GRIN2D: variants seen among roughly 807,000 people sequenced by gnomAD.
The protein encoded by GRIN2D is glutamate ionotropic receptor NMDA type subunit 2D.
In GRIN2D, 37 loss-of-function variants were observed where a neutral mutation model predicts 103.2. The observed-to-expected ratio is 0.36, with a 90% confidence interval of 0.28 to 0.47. The LOEUF is 0.47. Among genes scored for constraint, GRIN2D ranks in the 20% least tolerant of loss-of-function variants. GRIN2D has a pLI of 1.00. For synonymous variants in GRIN2D, 845 were observed against 885.6 expected (o/e 0.95, Z 0.81); for missense variants, 1,557 against 1,910.6 (o/e 0.81, Z 3.45).
Position 48,444,222 on chromosome 19 carries a change from C to G in GRIN2D, c.*285C>G. ...GGCTTTTTAACGTCACCAGATGGGG[C>G]GGGAGGTGGGGGGTTCACGCCACTC... On this transcript the variant is annotated 3_prime_UTR_variant, in exon 14 of 14. Transcript: ENST00000263269. This position sits in a 1 kb window ranked among gnomAD's most constrained non-coding sequence, Gnocchi z 5.5. 7 of 260,188 alleles carry G rather than the reference C, an allele frequency of 2.7e-5. No homozygotes were observed. The highest frequency in any genetic ancestry group is 6.5e-5 in the East Asian group (1 of 15,394). The allele number at this position is 260,188 out of a possible 1,614,324, so 16.1% of individuals were successfully genotyped here. A position where few individuals can be genotyped will look rare whatever the true frequency, so the allele number is the denominator to read the frequency against.
At position 48,442,250 on chromosome 19, in the gene GRIN2D, C is replaced by T. The variant is rs1239668404; in HGVS notation, c.2541C>T (p.Gly847=). 4.3e-6 allele frequency: 7 copies of T among 1,614,004 alleles called. No individual in the cohort carries two copies. In the East Asian group the frequency reaches 8.9e-5, roughly 21 times the overall value. The change falls in exon 13 of 14, where the codon GGC becomes GGT. Residue 847 remains glycine, a synonymous_variant. Coordinates refer to ENST00000263269, the MANE Select transcript of GRIN2D (RefSeq NM_000836.4). The surrounding 1 kb of genome is among the most constrained non-coding windows in gnomAD (Gnocchi z 7.2). ...SSKLDIDNMA[G]VFYMLLVAMG... ...AGCTGGACATCGACAACATGGCGGG[C>T]GTCTTCTACATGCTCCTGGTGGCCA...
At chr19:48,439,281 C>T (rs1971265379) in intron 11 of GRIN2D, among the ~76,000 whole-genome samples, 1 of 151,636 alleles carries the variant, frequency 6.6e-6, no homozygotes, top group Non-Finnish European at 1.5e-5. Flanking sequence ...ATAAAATACA[C>T]CCCATACATC....
In GRIN2D at chr19:48,414,650, G is replaced by C; in HGVS notation, c.1412+66G>C. ...CCTCCCGTGAAGCCCAGTAGTCTGG[G>C]CCCCCAGCCCCCTCCTCCCTTGGGA... is the stretch of plus-strand genomic sequence containing the variant. On this transcript the variant is annotated intron_variant, in intron 6 of 13. Transcript: ENST00000263269. This position sits in a 1 kb window ranked among gnomAD's most constrained non-coding sequence, Gnocchi z 4.6. 1 of 1,423,814 alleles carries C rather than the reference G, an allele frequency of 7.0e-7. No individual in the cohort carries two copies. Among genetic ancestry groups the C allele is most frequent in the East Asian group, 2.5e-5 (1 of 40,276 alleles). The allele number at this position is 1,423,814 out of a possible 1,614,324, so 88.2% of individuals were successfully genotyped here.
Position 48,414,196 on chromosome 19 carries a change from G to T in GRIN2D, c.1200+91G>T. ...GGGCTTGAGGTCGTGGACTAAGAGG[G>T]AGGAGGGGACAAGGAGCCTGGACTC... On this transcript the variant is annotated intron_variant, in intron 5 of 13. Coordinates refer to ENST00000263269, the MANE Select transcript of GRIN2D (RefSeq NM_000836.4). This position sits in a 1 kb window ranked among gnomAD's most constrained non-coding sequence, Gnocchi z 4.6. The T allele has an allele frequency of 1.1e-6, 1 of 926,230 alleles. No individual in the cohort carries two copies. The highest frequency in any genetic ancestry group is 1.7e-6 in the Non-Finnish European group (1 of 578,202). The allele number at this position is 926,230 out of a possible 1,614,324, so 57.4% of individuals were successfully genotyped here. A position where few individuals can be genotyped will look rare whatever the true frequency, so the allele number is the denominator to read the frequency against.
rs531457763 is a variant in GRIN2D, at chr19:48,432,802, T to G, written c.2253-8967T>G. Reference sequence around the variant, plus strand: ...TTTTTTTTTTTTATTTCATTTTGCTTTTTTTTGAGACAGAGTCTTGCTCTG... The same window carrying G: ...TTTTTTTTTTTTATTTCATTTTGCTGTTTTTTGAGACAGAGTCTTGCTCTG... On this transcript the variant is annotated intron_variant, in intron 11 of 13. Transcript: ENST00000263269. Among the ~76,000 whole-genome samples, 174 of 150,348 alleles carry G rather than the reference T, an allele frequency of 1.2e-3. 1 individual carries two copies. The highest frequency in any genetic ancestry group is 0.01 in the Middle Eastern group (3 of 288).
intron 11 of GRIN2D, among the ~76,000 whole-genome samples, chr19:48,431,433 GA>G (rs1228382912): frequency 2.0e-5 from 3 of 152,172 alleles, no homozygotes. Flanking sequence ...TCAGAATTTG[GA>G]AGAGTCACTC....
intron 3 of GRIN2D, among the ~76,000 whole-genome samples, chr19:48,400,922 C>T (rs1300304718): frequency 2.0e-5 from 3 of 152,010 alleles, no homozygotes; most frequent in East Asian, 3.9e-4. Flanking sequence ...GAAAATTAGC[C>T]GGGCATGGTG....
Position 48,442,789 on chromosome 19 carries a change from G to C in GRIN2D, c.2863G>C (p.Ala955Pro). 1 of 1,069,756 alleles carries C rather than the reference G, an allele frequency of 9.3e-7. No homozygotes were observed. The highest frequency in any genetic ancestry group is 7.0e-5 in the East Asian group (1 of 14,356). 66.3% of individuals were successfully genotyped at this position (1,069,756 alleles called of 1,614,324 possible). A position where few individuals can be genotyped will look rare whatever the true frequency, so the allele number is the denominator to read the frequency against. The change falls in exon 14 of 14, where the codon GCG becomes CCG. Residue 955 changes from alanine to proline, a missense_variant. By Grantham distance (27) the Ala-to-Pro change is conservative. Transcript: ENST00000263269. This position sits in a 1 kb window ranked among gnomAD's most constrained non-coding sequence, Gnocchi z 7.2. ...RTKGAGPPGG[A>P]GLADGFHRYY... The stretch of plus-strand genomic sequence containing the variant: ...CAAGGGCGCGGGGCCGCCGGGGGGC[G>C]CGGGCCTGGCCGACGGCTTCCACCG...
chr19:48,422,023 G>A, intron 11 of GRIN2D, 78 bp downstream of exon 11: 1 of 1,446,156 alleles, frequency 6.9e-7, no homozygotes, highest in Non-Finnish European at 9.6e-7. Flanking sequence ...AAGGGGTCCA[G>A]GTTCATTCAT....
intron 10 of GRIN2D, among the ~76,000 whole-genome samples, chr19:48,420,879 GA>G (rs1303896238): frequency 6.6e-6 from 1 of 152,070 alleles, no homozygotes; most frequent in East Asian, 1.9e-4. Context: ...TTCAACAGAC[GA>G]AAAAGAATTC....
chr19:48,398,740 C>T lies in GRIN2D; in HGVS notation c.348C>T (p.Val116=). The change falls in exon 3 of 14, where the codon GTC becomes GTT. Residue 116 remains valine, a synonymous_variant. Transcript: ENST00000263269. Reference sequence around the variant, plus strand: ...CGGGGTTGCGCGTGCACGGCGTGGTCTTCGAAGACGACTCGCGCGCGCCCG... The same window carrying T: ...CGGGGTTGCGCGTGCACGGCGTGGTTTTCGAAGACGACTCGCGCGCGCCCG... ...LLSGLRVHGV[V]FEDDSRAPAV... 9 of 1,466,778 alleles carry T rather than the reference C, an allele frequency of 6.1e-6. No individual in the cohort carries two copies. The highest frequency in any genetic ancestry group is 8.1e-6 in the Non-Finnish European group (9 of 1,115,396). The allele number at this position is 1,466,778 out of a possible 1,614,324, so 90.9% of individuals were successfully genotyped here.
chr19:48,402,682 G>C (rs1427155242), intron 3 of GRIN2D, among the ~76,000 whole-genome samples: 1 of 144,078 alleles, frequency 6.9e-6, no homozygotes, highest in African/African-American at 2.6e-5. Flanking sequence ...GCGCCACTGC[G>C]GTCCGCAGTC....
intron 2 of GRIN2D, among the ~76,000 whole-genome samples, chr19:48,397,124 GC>G (rs1970652680): frequency 1.3e-5 from 2 of 148,712 alleles, no homozygotes; most frequent in Non-Finnish European, 3.0e-5. Context: ...CCACAGCTGT[GC>G]CCCCCAACCC....
rs1381556676 is a variant in GRIN2D at position 48,393,749 on chromosome 19, G to A, written c.-425G>A. On this transcript the variant is annotated 5_prime_UTR_variant, in exon 1 of 14. Coordinates refer to ENST00000263269, the MANE Select transcript of GRIN2D (RefSeq NM_000836.4). This position sits in a 1 kb window ranked among gnomAD's most constrained non-coding sequence, Gnocchi z 5.6. ...CCAGCTCCTCCAAGCCGCGGCCGCC[G>A]CCGCCACCCTCGCCCGCAGCCTCCC... Among the ~76,000 whole-genome samples the A allele has an allele frequency of 6.6e-6, 1 of 151,998 alleles. No individual in the cohort carries two copies. Among genetic ancestry groups the A allele is most frequent in the Non-Finnish European group, 1.5e-5 (1 of 67,972 alleles).
intron 4 of GRIN2D, among the ~76,000 whole-genome samples, chr19:48,406,391 A>C (rs1970792741): frequency 6.6e-6 from 1 of 152,202 alleles, no homozygotes; most frequent in African/African-American, 2.4e-5. Flanking sequence ...CCACGGTAGG[A>C]AGCTCTGGGA....
At position 48,442,939 on chromosome 19, in the gene GRIN2D, C is replaced by A. The variant is rs917571354; in HGVS notation, c.3013C>A (p.Pro1005Thr). 7 of 1,145,128 alleles carry A rather than the reference C, an allele frequency of 6.1e-6. No individual in the cohort carries two copies. Among genetic ancestry groups the A allele is most frequent in the Non-Finnish European group, 7.6e-6 (7 of 923,338 alleles). The allele number at this position is 1,145,128 out of a possible 1,614,324, so 70.9% of individuals were successfully genotyped here. A position where few individuals can be genotyped will look rare whatever the true frequency, so the allele number is the denominator to read the frequency against. Reference sequence around the variant, plus strand: ...CGCTCAGCCCCCGCAGAAGCCGCCGCCCTCCTATTTCGCCATCGTACGCGA... The same window carrying A: ...CGCTCAGCCCCCGCAGAAGCCGCCGACCTCCTATTTCGCCATCGTACGCGA... ...PAAQPPQKPP[P>T]SYFAIVRDKE... Residue 1005 changes from proline to threonine, a missense_variant, in exon 14 of 14, where the codon CCC (proline) becomes ACC (threonine). By Grantham distance (38) the Pro-to-Thr change is conservative (BLOSUM62 -1). Around this residue, in one of 7 missense-constraint regions of GRIN2D, gnomAD observed 632 missense variants for 572.8 expected, o/e 1.10. Transcript: ENST00000263269. This position sits in a 1 kb window ranked among gnomAD's most constrained non-coding sequence, Gnocchi z 7.2.
intron 8 of GRIN2D, among the ~76,000 whole-genome samples, chr19:48,416,682 A>G (rs276711): frequency 0.59 from 89,699 of 151,568 alleles, 27,344 homozygotes; most frequent in East Asian, 0.85. Flanking sequence ...ATCCCTGTCC[A>G]GTAGGATCTC....
At chr19:48,415,239 C>T (rs1227909925) in intron 7 of GRIN2D, among the ~76,000 whole-genome samples, 2 of 151,998 alleles carry the variant, frequency 1.3e-5, no homozygotes, top group Non-Finnish European at 2.9e-5. Flanking sequence ...TGCGTGGTGG[C>T]GGGCGCCTGT....
chr19:48,419,442 G>A (rs1481728187), intron 9 of GRIN2D, 83 bp downstream of exon 9: 56 of 1,508,972 alleles, frequency 3.7e-5, no homozygotes, highest in Admixed American at 6.2e-5. Context: ...AGCCCCTGGA[G>A]GGGGGGCGGT....
Sources: gnomAD v4.1 joint callset for allele counts (sites outside exome capture counted in the v4.1 genomes callset) on GRCh38, gnomAD v4.1.1 for gene constraint, gnomAD v4.1.1 regional missense constraint, Gnocchi (gnomAD v3.1) non-coding constraint, MANE v1.5 for transcripts, NCBI Gene and HGNC (gene_info 2026-07-23, HGNC 2026-07-21) for gene names.